GNAZ: variants seen among roughly 807,000 people sequenced by gnomAD.
The protein encoded by GNAZ is G protein subunit alpha z, also known as guanine nucleotide-binding protein G(z) subunit alpha.
GNAZ carries 3 observed loss-of-function variants against 25.4 expected under a neutral mutation model. That is an observed-to-expected ratio of 0.12 (90% confidence interval 0.05 to 0.30). The LOEUF is 0.30. GNAZ is among the 10% of genes least tolerant of loss of function. The pLI, the probability that GNAZ is intolerant of heterozygous loss-of-function variation, is 1.00. For synonymous variants in GNAZ, 211 were observed against 205.7 expected (o/e 1.03, Z -0.22); for missense variants, 241 against 501.8 (o/e 0.48, Z 4.97).
At chr22:23,093,082 C>T (rs1177652950) in intron 1 of GNAZ, among the ~76,000 whole-genome samples, 4 of 152,224 alleles carry the variant, frequency 2.6e-5, no homozygotes, top group Admixed American at 6.5e-5. Flanking sequence ...ATCCTCCATG[C>T]GCTCATGGTT....
At chr22:23,094,480 A>G (rs968379552) in intron 1 of GNAZ, among the ~76,000 whole-genome samples, 1 of 152,128 alleles carries the variant, frequency 6.6e-6, no homozygotes, top group African/African-American at 2.4e-5. Flanking sequence ...GGTGATTACT[A>G]CTACCCTTGG....
Position 23,095,574 on chromosome 22 carries a change from T to C in GNAZ, c.-122T>C, listed in dbSNP as rs921731451. On this transcript the variant is annotated 5_prime_UTR_variant, in exon 2 of 3. Transcript: ENST00000615612. ...GCAGTGTGGCTCGGCCTCACCCCCC[T>C]GCTGGCACTGAGTGCCTCCAGGGCA... 1 of 1,104,484 alleles carries C rather than the reference T, an allele frequency of 9.1e-7. No individual in the cohort carries two copies. The highest frequency in any genetic ancestry group is 1.3e-6 in the Non-Finnish European group (1 of 785,860). The allele number at this position is 1,104,484 out of a possible 1,614,324, so 68.4% of individuals were successfully genotyped here.
chr22:23,099,875 C>T (rs1009385929), intron 2 of GNAZ, among the ~76,000 whole-genome samples: 1 of 152,244 alleles, frequency 6.6e-6, no homozygotes, highest in African/African-American at 2.4e-5. Context: ...ACTGGAGGCA[C>T]CTGAGGGGGT....
intron 2 of GNAZ, among the ~76,000 whole-genome samples, chr22:23,112,667 G>A (rs762970634): frequency 7.2e-5 from 11 of 152,204 alleles, no homozygotes; most frequent in Non-Finnish European, 1.3e-4. Flanking sequence ...AAACACCAGC[G>A]GGGTGGGAAT....
chr22:23,095,291 A>C lies in GNAZ; in HGVS notation c.-405A>C, dbSNP rs2069093118. On this transcript the variant is annotated 5_prime_UTR_variant, in exon 2 of 3. Transcript: ENST00000615612. ...GTGGGAGCCGGAGGCGGGGGGCTGC[A>C]GGGAGCACACCAGCGACCGGCCCTC... 1 of 215,004 alleles carries C rather than the reference A, an allele frequency of 4.7e-6. No individual in the cohort carries two copies. Among genetic ancestry groups the C allele is most frequent in the Non-Finnish European group, 9.4e-6 (1 of 106,810 alleles). The allele number at this position is 215,004 out of a possible 1,614,324, so 13.3% of individuals were successfully genotyped here.
At chr22:23,082,647 T>C (rs2068715624) in intron 1 of GNAZ, among the ~76,000 whole-genome samples, 1 of 152,104 alleles carries the variant, frequency 6.6e-6, no homozygotes. Context: ...AGGAGGCTGC[T>C]TGATGACACT....
intron 2 of GNAZ, among the ~76,000 whole-genome samples, chr22:23,116,154 A>T (rs1302669635): frequency 1.3e-5 from 2 of 152,246 alleles, no homozygotes; most frequent in Admixed American, 6.5e-5. Context: ...TGAAGCTGCC[A>T]TGACCTCCGT....
rs12157941 is a variant in GNAZ, at chr22:23,117,257, C to T, written c.724-5830C>T. ...CTGATGGGGAATGAGAGGGGCTGAGCCAGAGGTGCCGACACGGTATGTTTT... is the reference window on the plus strand; with the variant it reads ...CTGATGGGGAATGAGAGGGGCTGAGTCAGAGGTGCCGACACGGTATGTTTT... On this transcript the variant is annotated intron_variant, in intron 2 of 2. Transcript: ENST00000615612. Among the ~76,000 whole-genome samples, 740 of 152,170 alleles carry T rather than the reference C, an allele frequency of 4.9e-3. 6 individuals are homozygous for T. Among genetic ancestry groups the T allele is most frequent in the African/African-American group, 0.017 (692 of 41,492 alleles).
At chr22:23,115,700 T>C (rs2069810865) in intron 2 of GNAZ, among the ~76,000 whole-genome samples, 1 of 152,056 alleles carries the variant, frequency 6.6e-6, no homozygotes, top group Non-Finnish European at 1.5e-5. Context: ...CCCCTGCAAA[T>C]GGAGGGGCCC....
chr22:23,107,267 C>T (rs898271479), intron 2 of GNAZ, among the ~76,000 whole-genome samples: 2 of 152,190 alleles, frequency 1.3e-5, no homozygotes, highest in African/African-American at 4.8e-5. Flanking sequence ...GCCCTGGCCC[C>T]CATCCCAGAG....
At position 23,121,296 on chromosome 22, in the gene GNAZ, T is replaced by C. The variant is rs139835823; in HGVS notation, c.724-1791T>C. ...ACAGTCTTCCAGGTGGAGTGCAGGGTTCCAGGGTAATGACGGGTACCTCTG... is the reference window on the plus strand; with the variant it reads ...ACAGTCTTCCAGGTGGAGTGCAGGGCTCCAGGGTAATGACGGGTACCTCTG... On this transcript the variant is annotated intron_variant, in intron 2 of 2. Coordinates refer to ENST00000615612, the MANE Select transcript of GNAZ (RefSeq NM_002073.4). 1.2e-3 allele frequency among the ~76,000 whole-genome samples: 189 copies of C among 152,284 alleles called. 3 individuals carry two copies. Among genetic ancestry groups the C allele is most frequent in the African/African-American group, 4.4e-3 (184 of 41,560 alleles).
At chr22:23,116,597 A>G (rs77486364) in intron 2 of GNAZ, among the ~76,000 whole-genome samples, 3,902 of 152,308 alleles carry the variant, frequency 0.026, 161 homozygotes, top group African/African-American at 0.09. Flanking sequence ...AGCTGCAACT[A>G]CAGTGCAGGA....
At chr22:23,091,472 C>T (rs944020326) in intron 1 of GNAZ, among the ~76,000 whole-genome samples, 6 of 147,854 alleles carry the variant, frequency 4.1e-5, no homozygotes, top group African/African-American at 1.3e-4. Flanking sequence ...ACACACACAC[C>T]GCAATGGACC....
intron 2 of GNAZ, among the ~76,000 whole-genome samples, chr22:23,117,275 T>A (rs1200144683): frequency 6.6e-6 from 1 of 152,090 alleles, no homozygotes; most frequent in African/African-American, 2.4e-5. Context: ...GCCGACACGG[T>A]ATGTTTTAAG....
intron 1 of GNAZ, among the ~76,000 whole-genome samples, chr22:23,083,641 T>C (rs1321403361): frequency 2.0e-5 from 3 of 151,836 alleles, no homozygotes; most frequent in Non-Finnish European, 2.9e-5. Context: ...ACACAAGCCA[T>C]TGGAGGCGAA....
chr22:23,092,708 C>T (rs2069016714), intron 1 of GNAZ, among the ~76,000 whole-genome samples: 1 of 152,226 alleles, frequency 6.6e-6, no homozygotes. Context: ...AGCCCAGTGT[C>T]CCCAACCTGC....
chr22:23,115,847 G>A (rs1443718878), intron 2 of GNAZ, among the ~76,000 whole-genome samples: 1 of 152,256 alleles, frequency 6.6e-6, no homozygotes, highest in Non-Finnish European at 1.5e-5. Flanking sequence ...AGTTTTCCTA[G>A]CAGAGTTACT....
chr22:23,107,311 G>C (rs902093156), intron 2 of GNAZ, among the ~76,000 whole-genome samples: 1 of 152,188 alleles, frequency 6.6e-6, no homozygotes, highest in Non-Finnish European at 1.5e-5. Context: ...GGACCTACAG[G>C]CCTGAGTACT....
chr22:23,087,224 G>C (rs1390136557), intron 1 of GNAZ, among the ~76,000 whole-genome samples: 1 of 152,198 alleles, frequency 6.6e-6, no homozygotes, highest in African/African-American at 2.4e-5. Context: ...CCAGCACTTT[G>C]GGAGGCTGAG....
Sources: allele counts gnomAD v4.1 joint callset (sites outside exome capture counted in the v4.1 genomes callset), GRCh38; gene constraint gnomAD v4.1.1; transcripts MANE v1.5; gene names NCBI Gene and HGNC (gene_info 2026-07-23, HGNC 2026-07-21).